Variants in ITGB1 observed in about 807,000 individuals in gnomAD.
ITGB1 encodes the protein integrin subunit beta 1, also known as integrin beta-1.
In ITGB1, 24 loss-of-function variants were observed where a neutral mutation model predicts 86.5. The observed-to-expected ratio is 0.28, with a 90% confidence interval of 0.20 to 0.39. ITGB1 has a LOEUF of 0.39. Ranked by LOEUF, ITGB1 falls within the 10% of genes least tolerant of loss-of-function variation. ITGB1 has a pLI of 1.00. For missense variants in ITGB1, 556 were observed against 946.9 expected, an observed-to-expected ratio of 0.59 and a Z score of 5.42; for synonymous variants, 323 against 316.8, an observed-to-expected ratio of 1.02 and a Z score of -0.21.
intron 1 of ITGB1, among the ~76,000 whole-genome samples, chr10:32,941,573 A>G (rs1352670930): frequency 2.0e-5 from 3 of 152,208 alleles, no homozygotes; most frequent in Non-Finnish European, 4.4e-5. Context: ...CATTCTATAA[A>G]TAGGAAGGGA....
At chr10:32,928,371 C>A in intron 4 of ITGB1, 107 bp from the exon 5 acceptor site, 1 of 584,728 alleles carries the variant, frequency 1.7e-6, no homozygotes, top group Non-Finnish European at 3.0e-6. Flanking sequence ...TAAAATAAAA[C>A]ATGTTGTCAT....
At chr10:32,932,417 T>C (rs1335330734) in intron 3 of ITGB1, 98 bp downstream of exon 3, 12 of 740,308 alleles carry the variant, frequency 1.6e-5, no homozygotes, top group Non-Finnish European at 2.4e-5. Context: ...CATTTTATGA[T>C]TTACATAAAA....
intron 3 of ITGB1, among the ~76,000 whole-genome samples, chr10:32,931,872 CATT>C (rs963313173): frequency 3.9e-5 from 6 of 152,098 alleles, no homozygotes; most frequent in Non-Finnish European, 7.4e-5. Context: ...TTCATTCATT[CATT>C]GACTCACTGA....
At chr10:32,913,174 G>T (rs2488324) in intron 11 of ITGB1, among the ~76,000 whole-genome samples, 111 of 152,106 alleles carry the variant, frequency 7.3e-4, no homozygotes, top group African/African-American at 2.5e-3. Context: ...TCACCATCAT[G>T]GAAGACCAAA....
intron 4 of ITGB1, among the ~76,000 whole-genome samples, chr10:32,928,898 G>A (rs1300528174): frequency 1.3e-5 from 2 of 152,062 alleles, no homozygotes; most frequent in East Asian, 3.9e-4. Context: ...CAGGAGAGAG[G>A]TTTGGATGAA....
chr10:32,918,757 T>C (rs1345059935), intron 11 of ITGB1, among the ~76,000 whole-genome samples: 2 of 152,190 alleles, frequency 1.3e-5, no homozygotes, highest in Admixed American at 6.5e-5. Context: ...CCAGGTGAAC[T>C]GTCTAAATTT....
At chr10:32,920,187 A>T (rs1430967943) in intron 10 of ITGB1, 58 bp downstream of exon 10, 6 of 1,578,148 alleles carry the variant, frequency 3.8e-6, no homozygotes, top group African/African-American at 1.4e-5. Context: ...CAAACTATAA[A>T]CTAAATTTGC....
chr10:32,944,396 A>G, intron 1 of ITGB1: 1 of 296,552 alleles, frequency 3.4e-6, no homozygotes, highest in South Asian at 3.2e-5. Context: ...TGGTCTGTAA[A>G]GGGGCGTCTA....
At chr10:32,915,203 A>G (rs1315935681) in intron 11 of ITGB1, among the ~76,000 whole-genome samples, 1 of 152,238 alleles carries the variant, frequency 6.6e-6, no homozygotes, top group Non-Finnish European at 1.5e-5. Flanking sequence ...AATGCCCACA[A>G]GAGAAAGCAG....
intron 6 of ITGB1, among the ~76,000 whole-genome samples, chr10:32,924,553 G>T (rs550762403): frequency 6.6e-6 from 1 of 152,238 alleles, no homozygotes; most frequent in Admixed American, 6.5e-5. Flanking sequence ...GCATCTAGAG[G>T]AGTGGATCAG....
intron 13 of ITGB1, 115 bp downstream of exon 13, chr10:32,911,333 G>T: frequency 1.2e-6 from 1 of 839,846 alleles, no homozygotes; most frequent in Non-Finnish European, 1.9e-6. Flanking sequence ...CACATGGCAG[G>T]CATTTTATTT....
In ITGB1 at chr10:32,914,068, G is replaced by C. The variant is rs1399879510; in HGVS notation, c.1470-1944C>G. Among the ~76,000 whole-genome samples the C allele has an allele frequency of 1.3e-5, 2 of 152,100 alleles. 1 individual carries two copies. The highest frequency in any genetic ancestry group is 4.8e-5 in the African/African-American group (2 of 41,412). ...AGAATTTCATATTAAGCCAAACTAAGCTTTAAGTGAAAGAGAAATAAAATC... is the reference window on the plus strand; with the variant it reads ...AGAATTTCATATTAAGCCAAACTAACCTTTAAGTGAAAGAGAAATAAAATC... On this transcript the variant is annotated intron_variant, in intron 11 of 15. Coordinates refer to ENST00000302278, the MANE Select transcript of ITGB1 (RefSeq NM_002211.4).
rs765036560 is a variant in ITGB1 at position 32,928,030 on chromosome 10, AAAC to A, written c.547+61_547+63del. The A allele has an allele frequency of 3.2e-6, 3 of 940,128 alleles. No individual in the cohort carries two copies. In the Admixed American group the frequency reaches 7.2e-5, roughly 23 times the overall value. 58.2% of individuals were successfully genotyped at this position (940,128 alleles called of 1,614,324 possible). A position where few individuals can be genotyped will look rare whatever the true frequency, so the allele number is the denominator to read the frequency against. On this transcript the variant is annotated intron_variant, in intron 5 of 15. Coordinates refer to ENST00000302278, the MANE Select transcript of ITGB1 (RefSeq NM_002211.4). ...GTGAGTAACAAAGGAATAAAATATA[AAAC>A]AACATTTGAGAATTGCCAAGACTTT...
chr10:32,942,252 A>G (rs2095020032), intron 1 of ITGB1, among the ~76,000 whole-genome samples: 1 of 152,154 alleles, frequency 6.6e-6, no homozygotes, highest in Non-Finnish European at 1.5e-5. Context: ...AGGAGGTGAG[A>G]AAGCAAAGAG....
intron 11 of ITGB1, among the ~76,000 whole-genome samples, chr10:32,919,382 A>G (rs572156325): frequency 1.3e-5 from 2 of 152,358 alleles, no homozygotes; most frequent in East Asian, 3.9e-4. Context: ...CATACTGAAA[A>G]TACCATTTTC....
chr10:32,924,528 A>G (rs1291198120), intron 6 of ITGB1, among the ~76,000 whole-genome samples: 2 of 152,214 alleles, frequency 1.3e-5, no homozygotes, highest in African/African-American at 2.4e-5. Flanking sequence ...CAAAAGTGGA[A>G]TGTCTGATTC....
chr10:32,932,139 A>G (rs2094985354), intron 3 of ITGB1, among the ~76,000 whole-genome samples: 1 of 152,130 alleles, frequency 6.6e-6, no homozygotes, highest in African/African-American at 2.4e-5. Context: ...ATGTGCCACA[A>G]AGATGAGCTA....
At chr10:32,903,913 G>A (rs1398888024) in intron 15 of ITGB1, among the ~76,000 whole-genome samples, 1 of 150,474 alleles carries the variant, frequency 6.6e-6, no homozygotes, top group Admixed American at 6.6e-5. Context: ...CAAATATGTT[G>A]GGAAAATAAA....
rs2094952391 is a variant in ITGB1, at chr10:32,922,242, T to C, written c.1128+15A>G. ...GGGTATTGTCCAAAACTGATCTTAT[T>C]TAAGATGTACTCACATTGTATGCAT... On this transcript the variant is annotated intron_variant, in intron 9 of 15. Coordinates refer to ENST00000302278, the MANE Select transcript of ITGB1 (RefSeq NM_002211.4). 2 of 1,483,822 alleles carry C rather than the reference T, an allele frequency of 1.3e-6. No individual in the cohort carries two copies. The highest frequency in any genetic ancestry group is 1.9e-6 in the Non-Finnish European group (2 of 1,071,654). The allele number at this position is 1,483,822 out of a possible 1,614,324, so 91.9% of individuals were successfully genotyped here. A position where few individuals can be genotyped will look rare whatever the true frequency, so the allele number is the denominator to read the frequency against.
Sources: allele counts gnomAD v4.1 joint callset (sites outside exome capture counted in the v4.1 genomes callset), GRCh38; gene constraint gnomAD v4.1.1; transcripts MANE v1.5; gene names NCBI Gene and HGNC (gene_info 2026-07-23, HGNC 2026-07-21).